The following BCAS1 variants were observed in gnomAD, a reference collection of about 807,000 sequenced individuals.
The protein encoded by BCAS1 is brain enriched myelin associated protein 1.
In BCAS1, 46 loss-of-function variants were observed where a neutral mutation model predicts 65.4. The observed-to-expected ratio is 0.70, with a 90% CI of 0.55 to 0.90. BCAS1 has a LOEUF of 0.90. Ranked by LOEUF, BCAS1 falls within the 40% of genes least tolerant of loss-of-function variation. BCAS1 has a pLI of 0.00. For missense variants in BCAS1, 793 were observed against 771.2 expected, an observed-to-expected ratio of 1.03 and a Z score of -0.33; for synonymous variants, 298 against 293.5, an observed-to-expected ratio of 1.02 and a Z score of -0.16.
intron 4 of BCAS1, among the ~76,000 whole-genome samples, chr20:54,017,759 G>A (rs895738069): frequency 6.6e-6 from 1 of 152,138 alleles, no homozygotes; most frequent in Admixed American, 6.5e-5. Context: ...GTGATTCCCA[G>A]GGTAAGCCAC....
chr20:53,996,428 C>T (rs2090912386), intron 4 of BCAS1, among the ~76,000 whole-genome samples: 1 of 147,920 alleles, frequency 6.8e-6, no homozygotes, highest in Admixed American at 6.8e-5. Flanking sequence ...GATGGCGTTT[C>T]CCACAATTTC....
At position 54,028,578 on chromosome 20, in the gene BCAS1, TC is replaced by T; in HGVS notation, c.536del (p.Gly179GlufsTer65). ...DPTLLPPETG[G>X]AGGEAPSKPK... Reference sequence around the variant, plus strand: ...GCTTGGAGGGAGCTTCTCCTCCTGCTCCCCCTGTCTCAGGTGGGAGAAGCGT... The same window carrying T: ...GCTTGGAGGGAGCTTCTCCTCCTGCTCCCCTGTCTCAGGTGGGAGAAGCGT... On this transcript the variant is annotated frameshift_variant, in exon 4 of 13. Transcript: ENST00000688948. LOFTEE classifies it high-confidence loss of function. 2.5e-6 allele frequency: 4 copies of T among 1,614,060 alleles called. No individual in the cohort carries two copies. The highest frequency in any genetic ancestry group is 3.4e-6 in the Non-Finnish European group (4 of 1,180,008).
intron 9 of BCAS1, among the ~76,000 whole-genome samples, chr20:53,973,359 A>T (rs1319480050): frequency 6.8e-6 from 1 of 147,980 alleles, no homozygotes; most frequent in Non-Finnish European, 1.5e-5. Context: ...TATTTAACAA[A>T]TATTTTACCT....
At chr20:54,037,899 G>T (rs2146181274) in intron 3 of BCAS1, among the ~76,000 whole-genome samples, 1 of 151,162 alleles carries the variant, frequency 6.6e-6, no homozygotes, top group East Asian at 1.9e-4. Flanking sequence ...GGATACCCAA[G>T]AAAAAACTAT....
intron 11 of BCAS1, among the ~76,000 whole-genome samples, chr20:53,955,712 A>T (rs1167737876): frequency 6.6e-6 from 1 of 152,218 alleles, no homozygotes; most frequent in Non-Finnish European, 1.5e-5. Context: ...GAAAGGACAC[A>T]CCAGTGTTCT....
intron 4 of BCAS1, among the ~76,000 whole-genome samples, chr20:54,004,825 A>G (rs1280279088): frequency 4.0e-5 from 6 of 151,524 alleles, no homozygotes; most frequent in Non-Finnish European, 8.8e-5. Flanking sequence ...CCCAGGTCCA[A>G]TCCCTGCTCT....
In BCAS1 at chr20:54,058,148, C is replaced by T. The variant is rs775028060; in HGVS notation, c.79G>A (p.Ala27Thr). Reference protein sequence around the residue: ...EPEAETYQDNASALNGVPVVV... With the variant: ...EPEAETYQDNTSALNGVPVVV... Reference sequence around the variant, plus strand: ...ACTGGAACCCCGTTCAGAGCAGACGCGTTGTCCTGAAACAGAGCACGTGGC... The same window carrying T: ...ACTGGAACCCCGTTCAGAGCAGACGTGTTGTCCTGAAACAGAGCACGTGGC... The change falls in exon 3 of 13, where the codon GCG becomes ACG. Residue 27 changes from alanine to threonine, a missense_variant. Transcript: ENST00000688948. 28 of 1,613,872 alleles carry T rather than the reference C, an allele frequency of 1.7e-5. No individual in the cohort carries two copies. Among genetic ancestry groups the T allele is most frequent in the Admixed American group, 1.5e-4 (9 of 59,986 alleles).
intron 4 of BCAS1, among the ~76,000 whole-genome samples, chr20:54,020,128 A>G (rs1399368032): frequency 6.6e-6 from 1 of 152,184 alleles, no homozygotes; most frequent in Non-Finnish European, 1.5e-5. Flanking sequence ...CTTTGAACCT[A>G]TAGGCACAGT....
chr20:53,949,861 G>C lies in BCAS1; in HGVS notation c.1815+3571C>G, dbSNP rs1463004721. The stretch of plus-strand genomic sequence containing the variant: ...TCCTAAAGAGATGAGGTCTGTAAAG[G>C]AGTGTGGTCCCAGAGGAGGGACTCG... On this transcript the variant is annotated intron_variant, in intron 12 of 12. Transcript: ENST00000688948. Among the ~76,000 whole-genome samples the C allele has an allele frequency of 3.3e-5, 5 of 152,176 alleles. No individual in the cohort carries two copies. The East Asian group carries it at 7.7e-4, about 23-fold the overall frequency.
chr20:53,974,659 C>A (rs1173410169), intron 9 of BCAS1, among the ~76,000 whole-genome samples: 2 of 152,158 alleles, frequency 1.3e-5, no homozygotes, highest in Non-Finnish European at 2.9e-5. Context: ...TTCACTTATC[C>A]CTACTTATAA....
At chr20:53,993,407 A>G (rs1176671884) in intron 6 of BCAS1, among the ~76,000 whole-genome samples, 1 of 152,242 alleles carries the variant, frequency 6.6e-6, no homozygotes, top group Non-Finnish European at 1.5e-5. Flanking sequence ...TATGAGAACC[A>G]GGTTTGTAGA....
rs2091323562 is a variant in BCAS1 at position 54,011,661 on chromosome 20, T to C, written c.724-15611A>G. ...AATCACTTTACATTGCTGGTAGAAATGTAAAGGGATACAGGCAGAATAGAA... is the reference window on the plus strand; with the variant it reads ...AATCACTTTACATTGCTGGTAGAAACGTAAAGGGATACAGGCAGAATAGAA... On this transcript the variant is annotated intron_variant, in intron 4 of 12. Transcript: ENST00000688948. Among the ~76,000 whole-genome samples, 4 of 152,166 alleles carry C rather than the reference T, an allele frequency of 2.6e-5. No individual in the cohort carries two copies. In the South Asian group the frequency reaches 8.3e-4, roughly 31 times the overall value.
At chr20:53,955,949 T>C (rs2089684485) in intron 11 of BCAS1, among the ~76,000 whole-genome samples, 1 of 152,168 alleles carries the variant, frequency 6.6e-6, no homozygotes, top group Admixed American at 6.5e-5. Flanking sequence ...TAAAAAGCAA[T>C]ATATTTCCTG....
intron 8 of BCAS1, among the ~76,000 whole-genome samples, chr20:53,977,262 T>G (rs550231479): frequency 6.6e-6 from 1 of 152,200 alleles, no homozygotes; most frequent in Non-Finnish European, 1.5e-5. Context: ...TGAGATGAGA[T>G]TTGGGTGGGG....
At chr20:53,987,138 C>T (rs1245018828) in intron 7 of BCAS1, among the ~76,000 whole-genome samples, 3 of 152,166 alleles carry the variant, frequency 2.0e-5, no homozygotes, top group African/African-American at 7.2e-5. Flanking sequence ...ATGAATTTTA[C>T]TATTTGATGC....
At chr20:54,065,254 A>G (rs1052540634) in intron 1 of BCAS1, among the ~76,000 whole-genome samples, 1 of 150,462 alleles carries the variant, frequency 6.6e-6, no homozygotes, top group African/African-American at 2.4e-5. Context: ...ATTTTCCAGG[A>G]CTATATATCT....
chr20:53,974,758 G>A (rs1311328302), intron 9 of BCAS1, among the ~76,000 whole-genome samples: 1 of 152,170 alleles, frequency 6.6e-6, no homozygotes, highest in Non-Finnish European at 1.5e-5. Context: ...TAATCTCCCT[G>A]GAAGCTACGT....
At chr20:53,961,550 A>G (rs1225623784) in intron 10 of BCAS1, among the ~76,000 whole-genome samples, 2 of 152,250 alleles carry the variant, frequency 1.3e-5, no homozygotes, top group Non-Finnish European at 2.9e-5. Flanking sequence ...GCTTTAAGTA[A>G]GCCATATATT....
At chr20:53,972,159 C>T (rs2090196738) in intron 9 of BCAS1, among the ~76,000 whole-genome samples, 1 of 152,090 alleles carries the variant, frequency 6.6e-6, no homozygotes, top group Non-Finnish European at 1.5e-5. Flanking sequence ...CACATTTTAG[C>T]CAGAAGTCGT....
Sources: allele counts gnomAD v4.1 joint callset (sites outside exome capture counted in the v4.1 genomes callset), GRCh38; gene constraint gnomAD v4.1.1; transcripts MANE v1.5; gene names NCBI Gene and HGNC (gene_info 2026-07-23, HGNC 2026-07-21).